The following IMPA1 variants were observed in gnomAD, a reference collection of about 807,000 sequenced individuals.
IMPA1 encodes D-galactose 1-phosphate phosphatase.
Under a neutral mutation model 34.9 loss-of-function variants are expected in IMPA1, and 21 were observed. The ratio of observed to expected loss-of-function variants is 0.60; its 90% CI spans 0.43 to 0.87. The LOEUF is 0.87. IMPA1 is among the 40% of genes least tolerant of loss of function. The pLI is 0.00. For synonymous variants in IMPA1, 95 were observed against 104.4 expected (o/e 0.91, Z 0.55); for missense variants, 299 against 336.4 (o/e 0.89, Z 0.87).
At chr8:81,682,655 C>G (rs1016303290) in intron 1 of IMPA1, among the ~76,000 whole-genome samples, 2 of 152,054 alleles carry the variant, frequency 1.3e-5, no homozygotes, top group Non-Finnish European at 2.9e-5. Flanking sequence ...CTCTTACTCC[C>G]ATTCTGCTCC....
chr8:81,667,486 T>G (rs1344787967), intron 7 of IMPA1, among the ~76,000 whole-genome samples: 2 of 151,808 alleles, frequency 1.3e-5, no homozygotes, highest in African/African-American at 4.8e-5. Flanking sequence ...AGGTTAAGGG[T>G]GGGGTGATGC....
chr8:81,680,912 T>C, intron 2 of IMPA1, 129 bp from the exon 3 acceptor site: 1 of 695,090 alleles, frequency 1.4e-6, no homozygotes, highest in Non-Finnish European at 2.3e-6. Context: ...AAAAATGTCT[T>C]ACAAATATAT....
chr8:81,664,134 T>A (rs1806753977), intron 7 of IMPA1, among the ~76,000 whole-genome samples: 1 of 152,200 alleles, frequency 6.6e-6, no homozygotes, highest in African/African-American at 2.4e-5. Flanking sequence ...GATTTAAGGA[T>A]AAAAGTAAGG....
intron 6 of IMPA1, among the ~76,000 whole-genome samples, chr8:81,671,335 G>C (rs1309882359): frequency 6.6e-6 from 1 of 152,042 alleles, no homozygotes; most frequent in Non-Finnish European, 1.5e-5. Flanking sequence ...AAAAAGGAGA[G>C]ACTAAATTCA....
At chr8:81,672,207 A>T (rs530173866) in intron 6 of IMPA1, among the ~76,000 whole-genome samples, 13 of 152,362 alleles carry the variant, frequency 8.5e-5, no homozygotes, top group African/African-American at 2.9e-4. Flanking sequence ...GCTGCACTGA[A>T]AAGAATTTCA....
chr8:81,671,698 C>T (rs1806992565), intron 6 of IMPA1, among the ~76,000 whole-genome samples: 2 of 152,010 alleles, frequency 1.3e-5, no homozygotes, highest in African/African-American at 4.8e-5. Flanking sequence ...GAGTTCGAGA[C>T]CAGCCTGGCC....
chr8:81,667,673 A>G (rs1244316770), intron 7 of IMPA1, among the ~76,000 whole-genome samples: 6 of 152,156 alleles, frequency 3.9e-5, no homozygotes, highest in Non-Finnish European at 8.8e-5. Flanking sequence ...TGAGTTAAGT[A>G]GCTCTGACCA....
rs1201972647 is a variant in IMPA1, at chr8:81,657,299, A to C, written c.*2052T>G. On this transcript the variant is annotated 3_prime_UTR_variant, in exon 9 of 9. Transcript: ENST00000256108. ...TTGTAACTCAACACAAAAACCTCTAAAAGTATGTTGGGTGCAATGGCTCAC... is the reference window on the plus strand; with the variant it reads ...TTGTAACTCAACACAAAAACCTCTACAAGTATGTTGGGTGCAATGGCTCAC... 6.6e-6 allele frequency among the ~76,000 whole-genome samples: 1 copy of C among 152,224 alleles called. No individual in the cohort carries two copies. Among genetic ancestry groups the C allele is most frequent in the Non-Finnish European group, 1.5e-5 (1 of 68,034 alleles).
intron 7 of IMPA1, among the ~76,000 whole-genome samples, chr8:81,663,306 G>A (rs1806729881): frequency 6.6e-6 from 1 of 152,132 alleles, no homozygotes; most frequent in East Asian, 1.9e-4. Flanking sequence ...CATCATTCTG[G>A]GAGGTTCTGT....
intron 6 of IMPA1, 108 bp from the exon 7 acceptor site, chr8:81,671,155 T>C (rs1166524578): frequency 2.0e-6 from 1 of 511,238 alleles, no homozygotes; most frequent in Non-Finnish European, 3.4e-6. Context: ...ATCGTGTTTC[T>C]TTATAAGCAT....
intron 1 of IMPA1, chr8:81,685,865 C>T (rs1807505616): frequency 6.5e-7 from 1 of 1,549,512 alleles, no homozygotes; most frequent in East Asian, 2.5e-5. Context: ...TTTTTGCCAC[C>T]TGTCCCAGCA....
intron 1 of IMPA1, among the ~76,000 whole-genome samples, chr8:81,684,501 TA>T (rs71268014): frequency 0.035 from 3,500 of 98,902 alleles, 92 homozygotes; most frequent in Non-Finnish European, 0.047. Context: ...ATACTACACA[TA>T]AGTATCTTTA....
intron 2 of IMPA1, 67 bp downstream of exon 2, chr8:81,681,431 G>A: frequency 1.2e-6 from 1 of 869,502 alleles, no homozygotes; most frequent in Non-Finnish European, 1.9e-6. Context: ...ACAAAACAAG[G>A]CAACAACACA....
intron 1 of IMPA1, chr8:81,685,889 C>A: frequency 6.5e-7 from 1 of 1,547,484 alleles, no homozygotes; most frequent in East Asian, 2.5e-5. Context: ...CGACTGCGGG[C>A]AGCACAGGAC....
At chr8:81,676,400 TC>T (rs1457370851) in intron 4 of IMPA1, 121 bp from the exon 5 acceptor site, 31 of 478,070 alleles carry the variant, frequency 6.5e-5, no homozygotes, top group Non-Finnish European at 1.2e-4. Flanking sequence ...TCATCTCCAC[TC>T]CCCACAAAAT....
intron 1 of IMPA1, among the ~76,000 whole-genome samples, chr8:81,681,885 A>C (rs770905632): frequency 6.6e-6 from 1 of 152,228 alleles, no homozygotes; most frequent in Non-Finnish European, 1.5e-5. Flanking sequence ...CAACACAAGA[A>C]ATACTTTAAA....
At position 81,658,007 on chromosome 8, in the gene IMPA1, AC is replaced by A. The variant is rs1806567114; in HGVS notation, c.*1343del. 6.6e-6 allele frequency: 1 copy of A among 152,202 alleles called. No homozygotes were observed. Among genetic ancestry groups the A allele is most frequent in the African/African-American group, 2.4e-5 (1 of 41,446 alleles). 9.4% of individuals were successfully genotyped at this position (152,202 alleles called of 1,614,324 possible). On this transcript the variant is annotated 3_prime_UTR_variant, in exon 9 of 9. Coordinates refer to ENST00000256108, the MANE Select transcript of IMPA1 (RefSeq NM_005536.4). Reference sequence around the variant, plus strand: ...TATTAAAATAAATTTAATTGCAAAAACAACCTGTCTTAGAATACAGTATCAG... The same window carrying A: ...TATTAAAATAAATTTAATTGCAAAAAAACCTGTCTTAGAATACAGTATCAG...
chr8:81,670,365 G>GA (rs145778944), intron 7 of IMPA1, among the ~76,000 whole-genome samples: 5,923 of 149,524 alleles, frequency 0.04, 384 homozygotes, highest in African/African-American at 0.14. Flanking sequence ...AATCAAAAAG[G>GA]AAAAAAAAGG....
chr8:81,679,911 C>T (rs1007748953), intron 3 of IMPA1, among the ~76,000 whole-genome samples: 3 of 151,780 alleles, frequency 2.0e-5, no homozygotes, highest in East Asian at 2.0e-4. Context: ...CTGAGGCGGG[C>T]GGACCATGAG....
Sources: allele counts gnomAD v4.1 joint callset (sites outside exome capture counted in the v4.1 genomes callset), GRCh38; gene constraint gnomAD v4.1.1; transcripts MANE v1.5; gene names NCBI Gene and HGNC (gene_info 2026-07-23, HGNC 2026-07-21).